Variants in CTNNA3 observed in about 807,000 individuals in gnomAD.
CTNNA3 encodes the protein catenin alpha 3, also known as catenin alpha-3.
In CTNNA3, 76 loss-of-function variants were observed where a neutral mutation model predicts 95.7. The ratio of observed to expected loss-of-function variants is 0.79; its 90% CI spans 0.66 to 0.96. The LOEUF is 0.96. Among genes scored for constraint, CTNNA3 ranks in the 40% least tolerant of loss-of-function variants. The probability of loss-of-function intolerance (pLI) is 0.00; values close to 1 mark genes in which losing one functional copy is unlikely to be tolerated. For missense variants in CTNNA3, 1,191 were observed against 1,089.8 expected, an observed-to-expected ratio of 1.09 and a Z score of -1.31; for synonymous variants, 431 against 374.4, an observed-to-expected ratio of 1.15 and a Z score of -1.74.
At chr10:66,568,402 T>C (rs183266330) in intron 10 of CTNNA3, among the ~76,000 whole-genome samples, 1 of 152,260 alleles carries the variant, frequency 6.6e-6, no homozygotes, top group Non-Finnish European at 1.5e-5. Flanking sequence ...ATAAGGCAAT[T>C]TCAATGTATG....
At chr10:66,565,379 T>C (rs1589429506) in intron 10 of CTNNA3, among the ~76,000 whole-genome samples, 1 of 152,130 alleles carries the variant, frequency 6.6e-6, no homozygotes, top group Non-Finnish European at 1.5e-5. Flanking sequence ...AGCTAATTTA[T>C]ATAAAATGAT....
At chr10:66,948,681 T>C (rs1346412172) in intron 7 of CTNNA3, among the ~76,000 whole-genome samples, 1 of 152,186 alleles carries the variant, frequency 6.6e-6, no homozygotes, top group Non-Finnish European at 1.5e-5. Context: ...CCTGGACTGG[T>C]AAACCACATA....
chr10:67,521,822 A>T lies in CTNNA3; in HGVS notation c.579+20T>A, dbSNP rs1235680169. ...CCTAAAGTGTTCATCTCCTCCACCA[A>T]GGAGAGCTCTGACTCCTACCTGCTG... On this transcript the variant is annotated intron_variant, in intron 5 of 17. Coordinates refer to ENST00000433211, the MANE Select transcript of CTNNA3 (RefSeq NM_013266.4). 6.2e-7 allele frequency: 1 copy of T among 1,610,476 alleles called. No homozygotes were observed. The highest frequency in any genetic ancestry group is 1.7e-5 in the Admixed American group (1 of 59,254).
intron 15 of CTNNA3, among the ~76,000 whole-genome samples, chr10:66,005,514 A>G (rs566667173): frequency 6.1e-4 from 93 of 152,260 alleles, no homozygotes; most frequent in Non-Finnish European, 9.9e-4. Context: ...TCCTTTACTT[A>G]CAATTCATAT....
intron 15 of CTNNA3, among the ~76,000 whole-genome samples, chr10:66,023,735 T>C (rs929900892): frequency 6.6e-6 from 1 of 152,176 alleles, no homozygotes; most frequent in Non-Finnish European, 1.5e-5. Flanking sequence ...ACCCATAAAA[T>C]GAGAAGATGG....
chr10:67,051,425 C>A (rs942831053), intron 7 of CTNNA3, among the ~76,000 whole-genome samples: 64 of 151,796 alleles, frequency 4.2e-4, no homozygotes, highest in African/African-American at 1.5e-3. Flanking sequence ...GAAATGCTAT[C>A]TAATTTCCTT....
At chr10:65,929,344 T>C (rs1375440503) in intron 17 of CTNNA3, among the ~76,000 whole-genome samples, 1 of 152,124 alleles carries the variant, frequency 6.6e-6, no homozygotes. Flanking sequence ...AAAACATCAG[T>C]TTTATAGTCG....
At chr10:67,540,952 C>CT (rs1392518555) in intron 3 of CTNNA3, among the ~76,000 whole-genome samples, 3 of 151,744 alleles carry the variant, frequency 2.0e-5, no homozygotes, top group South Asian at 2.1e-4. Context: ...TCGTTTTCTT[C>CT]TTTTTTTAAT....
intron 1 of CTNNA3, among the ~76,000 whole-genome samples, chr10:67,702,985 A>C (rs1306885915): frequency 6.6e-6 from 1 of 152,256 alleles, no homozygotes; most frequent in Non-Finnish European, 1.5e-5. Flanking sequence ...CCATCAGAGA[A>C]TACTACAAAC....
intron 9 of CTNNA3, among the ~76,000 whole-genome samples, chr10:66,665,274 G>GT (rs1846411253): frequency 6.6e-6 from 1 of 152,154 alleles, no homozygotes; most frequent in Admixed American, 6.5e-5. Flanking sequence ...TAAAATGGGT[G>GT]TAAGAATTGG....
intron 14 of CTNNA3, among the ~76,000 whole-genome samples, chr10:66,096,074 A>G (rs1564638214): frequency 6.6e-6 from 1 of 152,200 alleles, no homozygotes; most frequent in African/African-American, 2.4e-5. Flanking sequence ...ACTATCGTTG[A>G]AATTATAATA....
intron 13 of CTNNA3, among the ~76,000 whole-genome samples, chr10:66,225,023 C>A (rs117024140): frequency 0.023 from 3,443 of 152,034 alleles, 60 homozygotes; most frequent in Non-Finnish European, 0.034. Context: ...AAAAATTTAT[C>A]ATTTCTTTGC....
intron 10 of CTNNA3, among the ~76,000 whole-genome samples, chr10:66,576,567 C>T (rs149680844): frequency 2.1e-4 from 32 of 152,018 alleles, no homozygotes; most frequent in Admixed American, 1.8e-3. Context: ...CAATTATAAG[C>T]GAAAACATGT....
rs567163729 is a variant in CTNNA3 at position 66,807,130 on chromosome 10, G to T, written c.1048-31606C>A. ...GTGTTTATCAATGATGAGGCCAAAA[G>T]TTTGTACCTGTGTAACCCAGTTTCT... On this transcript the variant is annotated intron_variant, in intron 7 of 17. Coordinates refer to ENST00000433211, the MANE Select transcript of CTNNA3 (RefSeq NM_013266.4). Among the ~76,000 whole-genome samples the T allele has an allele frequency of 5.9e-5, 9 of 152,158 alleles. No individual in the cohort carries two copies. In the South Asian group the frequency reaches 1.7e-3, roughly 28 times the overall value.
intron 5 of CTNNA3, among the ~76,000 whole-genome samples, chr10:67,249,935 G>A (rs1327146980): frequency 6.6e-6 from 1 of 152,236 alleles, no homozygotes; most frequent in East Asian, 1.9e-4. Flanking sequence ...CACACAGTTA[G>A]TGGTCCCAGC....
intron 5 of CTNNA3, among the ~76,000 whole-genome samples, chr10:67,375,999 G>A (rs1843674446): frequency 6.6e-6 from 1 of 152,144 alleles, no homozygotes; most frequent in Admixed American, 6.5e-5. Context: ...CTTCTACCTT[G>A]AGAGAACAGA....
intron 9 of CTNNA3, among the ~76,000 whole-genome samples, chr10:66,734,707 C>A (rs981166046): frequency 1.3e-5 from 2 of 151,722 alleles, no homozygotes; most frequent in Non-Finnish European, 2.9e-5. Flanking sequence ...ACTAAAAATA[C>A]AAAAAATTAG....
intron 7 of CTNNA3, among the ~76,000 whole-genome samples, chr10:67,085,145 A>G (rs1185124008): frequency 6.6e-6 from 1 of 151,954 alleles, no homozygotes; most frequent in Non-Finnish European, 1.5e-5. Flanking sequence ...ATTGTTAATG[A>G]GACAAGATAC....
chr10:67,687,251 C>T (rs188044942), intron 1 of CTNNA3, among the ~76,000 whole-genome samples: 3 of 152,290 alleles, frequency 2.0e-5, no homozygotes, highest in East Asian at 1.9e-4. Flanking sequence ...GCACTTGCCC[C>T]GGGCATCCTC....
Sources: gnomAD v4.1 joint callset for allele counts (sites outside exome capture counted in the v4.1 genomes callset) on GRCh38, gnomAD v4.1.1 for gene constraint, MANE v1.5 for transcripts, NCBI Gene and HGNC (gene_info 2026-07-23, HGNC 2026-07-21) for gene names.